DNAAF11: variants seen among roughly 807,000 people sequenced by gnomAD.
DNAAF11 encodes the protein leucine rich repeat containing 6.
In DNAAF11, 45 loss-of-function variants were observed where a neutral mutation model predicts 60.8. The ratio of observed to expected loss-of-function variants is 0.74; its 90% confidence interval spans 0.58 to 0.95. The LOEUF (loss-of-function observed/expected upper bound fraction) is 0.95. Among genes scored for constraint, DNAAF11 ranks in the 40% least tolerant of loss-of-function variants. The pLI, the probability that DNAAF11 is intolerant of heterozygous loss-of-function variation, is 0.00. For missense variants in DNAAF11, 546 were observed against 546.2 expected, an observed-to-expected ratio of 1.00 and a Z score of 0.00; for synonymous variants, 191 against 183.5, an observed-to-expected ratio of 1.04 and a Z score of -0.33.
At chr8:132,582,404 T>G (rs1258381761) in intron 11 of DNAAF11, among the ~76,000 whole-genome samples, 1 of 152,238 alleles carries the variant, frequency 6.6e-6, no homozygotes, top group African/African-American at 2.4e-5. Flanking sequence ...TCCTGGGGTC[T>G]GAAAACCAGC....
At chr8:132,702,392 T>C in the DNAAF11 span, among the ~76,000 whole-genome samples, 1 of 152,214 alleles carries the variant, frequency 6.6e-6, no homozygotes, top group African/African-American at 2.4e-5. Flanking sequence ...ATTTTTGCCT[T>C]TATACCATTC....
At chr8:132,696,994 A>G in the DNAAF11 span, among the ~76,000 whole-genome samples, 2 of 152,224 alleles carry the variant, frequency 1.3e-5, no homozygotes, top group Admixed American at 1.3e-4. Flanking sequence ...CCATGACATG[A>G]CATGAGTTTA....
intron 3 of DNAAF11, among the ~76,000 whole-genome samples, chr8:132,644,755 C>A (rs561478003): frequency 3.9e-5 from 6 of 152,154 alleles, no homozygotes; most frequent in Non-Finnish European, 7.3e-5. Context: ...AGTCTGAGAT[C>A]GAACTGCAAG....
chr8:132,688,917 T>G, the DNAAF11 span, among the ~76,000 whole-genome samples: 1 of 152,236 alleles, frequency 6.6e-6, no homozygotes, highest in Non-Finnish European at 1.5e-5. Flanking sequence ...TGGTGGATAT[T>G]TATTCTAATT....
chr8:132,643,618 G>A (rs1822074104), intron 3 of DNAAF11: 4 of 456,136 alleles, frequency 8.8e-6, no homozygotes, highest in Non-Finnish European at 1.8e-5. Flanking sequence ...GGAGAAAATT[G>A]AGAACCTTGC....
the DNAAF11 span, among the ~76,000 whole-genome samples, chr8:132,683,367 C>T: frequency 2.0e-5 from 3 of 152,128 alleles, no homozygotes; most frequent in African/African-American, 7.2e-5. Context: ...AATCATTGAG[C>T]TAAAGACTCC....
At chr8:132,595,581 T>TA (rs1021372730) in intron 10 of DNAAF11, among the ~76,000 whole-genome samples, 19 of 151,652 alleles carry the variant, frequency 1.3e-4, no homozygotes, top group Non-Finnish European at 2.6e-4. Context: ...TTTACTTCTT[T>TA]AAAAAAAATA....
intron 10 of DNAAF11, among the ~76,000 whole-genome samples, chr8:132,608,067 C>T (rs1362236414): frequency 2.0e-5 from 3 of 152,098 alleles, no homozygotes; most frequent in Non-Finnish European, 4.4e-5. Context: ...CAGAAATATA[C>T]ATTTTTAATA....
intron 10 of DNAAF11, among the ~76,000 whole-genome samples, chr8:132,602,364 C>T (rs979015880): frequency 3.9e-5 from 6 of 152,110 alleles, no homozygotes; most frequent in African/African-American, 1.4e-4. Context: ...AGTTCCATCA[C>T]CCCTTATGTA....
chr8:132,680,378 T>A (rs1681987764), upstream of DNAAF11, among the ~76,000 whole-genome samples: 1 of 152,210 alleles, frequency 6.6e-6, no homozygotes, highest in Non-Finnish European at 1.5e-5. Context: ...AAAGAGAGTG[T>A]GTGTGCTTTT....
At chr8:132,600,586 A>G (rs1180371669) in intron 10 of DNAAF11, among the ~76,000 whole-genome samples, 1 of 152,194 alleles carries the variant, frequency 6.6e-6, no homozygotes, top group Non-Finnish European at 1.5e-5. Context: ...ATATAGACCA[A>G]TGGAACACAA....
the DNAAF11 span, among the ~76,000 whole-genome samples, chr8:132,681,281 A>G: frequency 7.7e-3 from 1,143 of 148,412 alleles, 5 homozygotes; most frequent in South Asian, 0.017. Context: ...AAGTGCTGGG[A>G]TTACAGGCGT....
chr8:132,628,841 T>C (rs1820529927), intron 5 of DNAAF11, among the ~76,000 whole-genome samples: 1 of 152,202 alleles, frequency 6.6e-6, no homozygotes, highest in Non-Finnish European at 1.5e-5. Flanking sequence ...GAACAGACCA[T>C]TTTAACTTTT....
chr8:132,637,956 T>G lies in DNAAF11; in HGVS notation c.408A>C (p.Val136=). The G allele has an allele frequency of 6.2e-7, 1 of 1,609,092 alleles. No homozygotes were observed. Among genetic ancestry groups the G allele is most frequent in the Non-Finnish European group, 8.5e-7 (1 of 1,178,046 alleles). The stretch of plus-strand genomic sequence containing the variant: ...ATACCTTTAATTGTGGAAGAGTTGC[T>G]ACCACGAACTCCCTATAGTGGTCAA... ...ASFDHYREFV[V]ATLPQLKWLD... Residue 136 remains valine, a synonymous_variant, in exon 4 of 12, where the codon GTA becomes GTC. Coordinates refer to ENST00000620350, the MANE Select transcript of DNAAF11 (RefSeq NM_012472.6).
At chr8:132,683,528 T>C in the DNAAF11 span, among the ~76,000 whole-genome samples, 1 of 152,146 alleles carries the variant, frequency 6.6e-6, no homozygotes, top group African/African-American at 2.4e-5. Flanking sequence ...GCCTGTTTTC[T>C]TATTTGCCCC....
chr8:132,672,992 C>T (rs968907157), intron 1 of DNAAF11, among the ~76,000 whole-genome samples: 1 of 152,032 alleles, frequency 6.6e-6, no homozygotes, highest in African/African-American at 2.4e-5. Flanking sequence ...ACAGGAAAGG[C>T]AGCGGAAAAA....
intron 11 of DNAAF11, among the ~76,000 whole-genome samples, chr8:132,572,794 G>T (rs1814345039): frequency 6.6e-6 from 1 of 152,042 alleles, no homozygotes; most frequent in Non-Finnish European, 1.5e-5. Context: ...TAACTGAAAT[G>T]ATACAGCAGG....
At chr8:132,619,532 C>G (rs1037621754) in intron 7 of DNAAF11, among the ~76,000 whole-genome samples, 1 of 151,910 alleles carries the variant, frequency 6.6e-6, no homozygotes, top group Non-Finnish European at 1.5e-5. Flanking sequence ...GACTAAGAAT[C>G]GAACACTGAA....
chr8:132,649,735 G>T (rs1822804337), intron 3 of DNAAF11, among the ~76,000 whole-genome samples: 1 of 152,184 alleles, frequency 6.6e-6, no homozygotes, highest in Non-Finnish European at 1.5e-5. Context: ...CTCAAAAGAA[G>T]ACATTTATGC....
Sources: gnomAD v4.1 joint callset for allele counts (sites outside exome capture counted in the v4.1 genomes callset) on GRCh38, gnomAD v4.1.1 for gene constraint, MANE v1.5 for transcripts, NCBI Gene and HGNC (gene_info 2026-07-23, HGNC 2026-07-21) for gene names.